The following LRRIQ1 variants were observed in gnomAD, a reference collection of about 807,000 sequenced individuals.
The protein encoded by LRRIQ1 is leucine-rich repeat- and IQ domain-containing protein 1.
Under a neutral mutation model 211.9 loss-of-function variants are expected in LRRIQ1, and 210 were observed. The observed-to-expected ratio is 0.99, with a 90% CI of 0.89 to 1.11. The LOEUF is 1.11. Ranked by LOEUF, LRRIQ1 falls within the 50% of genes most tolerant of loss-of-function variation. The probability of loss-of-function intolerance (pLI) is 0.00; values close to 1 mark genes in which losing one functional copy is unlikely to be tolerated. For synonymous variants in LRRIQ1, 699 were observed against 650.1 expected, an observed-to-expected ratio of 1.08 and a Z score of -1.14; for missense variants, 2,136 against 1,939.5, an observed-to-expected ratio of 1.10 and a Z score of -1.90.
At chr12:85,198,173 AT>A (rs1308041846) in intron 24 of LRRIQ1, among the ~76,000 whole-genome samples, 2 of 130,448 alleles carry the variant, frequency 1.5e-5, no homozygotes, top group Non-Finnish European at 3.1e-5. Flanking sequence ...TTATATTTAT[AT>A]TTATATATAT....
intron 26 of LRRIQ1, among the ~76,000 whole-genome samples, chr12:85,239,901 C>T (rs548458819): frequency 3.3e-5 from 5 of 152,100 alleles, no homozygotes; most frequent in East Asian, 3.9e-4. Flanking sequence ...TCCCTTGAAC[C>T]GGGGAGGCAG....
intron 9 of LRRIQ1, among the ~76,000 whole-genome samples, chr12:85,065,674 A>G (rs368922169): frequency 2.6e-5 from 4 of 151,834 alleles, no homozygotes; most frequent in Non-Finnish European, 4.4e-5. Context: ...ACAAATGATT[A>G]TATTACTTAG....
At chr12:85,163,674 T>C (rs1049306910) in intron 24 of LRRIQ1, among the ~76,000 whole-genome samples, 4 of 152,144 alleles carry the variant, frequency 2.6e-5, no homozygotes, top group African/African-American at 9.7e-5. Flanking sequence ...AAAACATTAG[T>C]AGCAAGAAAG....
At chr12:85,244,270 T>A (rs1359905498) in intron 26 of LRRIQ1, among the ~76,000 whole-genome samples, 1 of 151,502 alleles carries the variant, frequency 6.6e-6, no homozygotes, top group Non-Finnish European at 1.5e-5. Context: ...GTATTAAATA[T>A]ATTTTTATAT....
chr12:85,271,484 T>A, the LRRIQ1 span, among the ~76,000 whole-genome samples: 1 of 152,170 alleles, frequency 6.6e-6, no homozygotes. Flanking sequence ...TGATGTGGTT[T>A]ACAAATCCTT....
downstream of LRRIQ1, among the ~76,000 whole-genome samples, chr12:85,249,630 A>G (rs369836757): frequency 3.9e-5 from 6 of 152,060 alleles, no homozygotes; most frequent in South Asian, 1.2e-3. Flanking sequence ...CATAGTAGGC[A>G]CTTACATTAA....
In LRRIQ1 at chr12:85,187,041, G is replaced by A. The variant is rs75645046; in HGVS notation, c.4822+26327G>A. Reference sequence around the variant, plus strand: ...AGAATTAAATGAAAATTAATGTACTGTAAAGGGCATATCACAACTTCAGAA... The same window carrying A: ...AGAATTAAATGAAAATTAATGTACTATAAAGGGCATATCACAACTTCAGAA... On this transcript the variant is annotated intron_variant, in intron 24 of 26. Transcript: ENST00000393217. Among the ~76,000 whole-genome samples, 1,623 of 152,182 alleles carry A rather than the reference G, an allele frequency of 0.011. 117 individuals carry two copies. In the East Asian group the frequency reaches 0.2, roughly 19 times the overall value.
the LRRIQ1 span, among the ~76,000 whole-genome samples, chr12:85,270,724 TTCTAAATGCTTTAGATA>T: frequency 6.6e-6 from 1 of 152,156 alleles, no homozygotes; most frequent in Non-Finnish European, 1.5e-5. Context: ...CCAGGCACTG[TTCTAAATGCTTTAGATA>T]CATTAACTTT....
At chr12:85,046,269 C>T in intron 5 of LRRIQ1, 132 bp downstream of exon 5, 1 of 577,218 alleles carries the variant, frequency 1.7e-6, no homozygotes, top group Non-Finnish European at 3.1e-6. Flanking sequence ...GATTATTGTG[C>T]CTTTGCTATA....
At chr12:85,203,050 C>T (rs1364123522) in intron 24 of LRRIQ1, among the ~76,000 whole-genome samples, 1 of 152,128 alleles carries the variant, frequency 6.6e-6, no homozygotes. Flanking sequence ...CCCATAATTC[C>T]CACATGTTGT....
downstream of LRRIQ1, among the ~76,000 whole-genome samples, chr12:85,248,974 A>G (rs1163251426): frequency 6.6e-6 from 1 of 151,784 alleles, no homozygotes. Flanking sequence ...GAAGACTTGA[A>G]ATTTCCTACT....
intron 19 of LRRIQ1, among the ~76,000 whole-genome samples, chr12:85,150,318 T>C (rs1314990335): frequency 6.6e-6 from 1 of 151,754 alleles, no homozygotes; most frequent in Non-Finnish European, 1.5e-5. Context: ...TGATCTTCCC[T>C]GAGATATGAC....
chr12:85,166,388 A>G (rs1891157285), intron 24 of LRRIQ1, among the ~76,000 whole-genome samples: 1 of 152,198 alleles, frequency 6.6e-6, no homozygotes, highest in African/African-American at 2.4e-5. Context: ...GTTCTTTTAT[A>G]AAATAGAAGA....
intron 24 of LRRIQ1, among the ~76,000 whole-genome samples, chr12:85,190,568 G>T (rs1892459738): frequency 6.7e-6 from 1 of 149,160 alleles, no homozygotes; most frequent in Non-Finnish European, 1.5e-5. Context: ...CTATTATAAG[G>T]TAACATAAAT....
downstream of LRRIQ1, among the ~76,000 whole-genome samples, chr12:85,246,419 T>C (rs1271250329): frequency 1.3e-5 from 2 of 151,326 alleles, no homozygotes; most frequent in Non-Finnish European, 3.0e-5. Flanking sequence ...TGATATCACT[T>C]TGGAGCATTG....
chr12:85,118,673 T>C (rs1225754190), intron 15 of LRRIQ1, among the ~76,000 whole-genome samples: 2 of 152,078 alleles, frequency 1.3e-5, no homozygotes, highest in African/African-American at 4.8e-5. Context: ...TCTTTTGTAA[T>C]ACATATACAT....
intron 15 of LRRIQ1, among the ~76,000 whole-genome samples, chr12:85,114,653 A>G (rs1249104243): frequency 2.7e-5 from 4 of 146,844 alleles, no homozygotes; most frequent in South Asian, 2.2e-4. Flanking sequence ...ATACATAAGA[A>G]TATGAAAGAA....
chr12:85,229,702 A>G (rs1894841147), intron 25 of LRRIQ1, 53 bp downstream of exon 25: 1 of 1,550,308 alleles, frequency 6.5e-7, no homozygotes, highest in East Asian at 2.3e-5. Flanking sequence ...CATCTTGAAA[A>G]TTGAAACCTA....
In LRRIQ1 at chr12:85,232,036, A is replaced by T. The variant is rs375722131; in HGVS notation, c.4956-660A>T. Among the ~76,000 whole-genome samples the T allele has an allele frequency of 1.2e-4, 18 of 152,302 alleles. No individual in the cohort carries two copies. The East Asian group carries it at 2.3e-3, about 20-fold the overall frequency. The stretch of plus-strand genomic sequence containing the variant: ...AAAACATTAGAACAGATGTAAAGAA[A>T]AATATAAGAAAAATGTTTCATGATG... On this transcript the variant is annotated intron_variant, in intron 25 of 26. Coordinates refer to ENST00000393217, the MANE Select transcript of LRRIQ1 (RefSeq NM_001079910.2).
Sources: allele counts gnomAD v4.1 joint callset (sites outside exome capture counted in the v4.1 genomes callset), GRCh38; gene constraint gnomAD v4.1.1; transcripts MANE v1.5; gene names NCBI Gene and HGNC (gene_info 2026-07-23, HGNC 2026-07-21).